Variants in LIN7A observed in about 807,000 individuals in gnomAD.
The protein encoded by LIN7A is lin-7 cell polarity scaffold A.
LIN7A carries 25 observed loss-of-function variants against 29.8 expected under a neutral mutation model. The observed-to-expected ratio is 0.84, with a 90% CI of 0.61 to 1.17. LIN7A has a LOEUF of 1.17. Among genes scored for constraint, LIN7A ranks in the 50% most tolerant of loss-of-function variants. The pLI, the probability that LIN7A is intolerant of heterozygous loss-of-function variation, is 0.00. For synonymous variants in LIN7A, 118 were observed against 107.5 expected (o/e 1.10, Z -0.60); for missense variants, 239 against 287.0 (o/e 0.83, Z 1.21).
chr12:80,832,567 T>C, intron 4 of LIN7A: 1 of 476,790 alleles, frequency 2.1e-6, no homozygotes, highest in Non-Finnish European at 4.3e-6. Context: ...GAGCCTGGAC[T>C]TACCATTTGA....
chr12:80,846,996 T>C (rs1194941980), intron 3 of LIN7A, among the ~76,000 whole-genome samples: 1 of 152,236 alleles, frequency 6.6e-6, no homozygotes, highest in Non-Finnish European at 1.5e-5. Flanking sequence ...ACACACAGCA[T>C]TATCACATCA....
chr12:80,886,586 G>A (rs1010924953), intron 2 of LIN7A, among the ~76,000 whole-genome samples: 1 of 151,964 alleles, frequency 6.6e-6, no homozygotes, highest in Admixed American at 6.6e-5. Flanking sequence ...CCTGTATAAC[G>A]TGCATTGCCT....
At chr12:80,848,418 A>C in intron 2 of LIN7A, 96 bp from the exon 3 acceptor site, 2 of 908,868 alleles carry the variant, frequency 2.2e-6, no homozygotes, top group Non-Finnish European at 3.5e-6. Flanking sequence ...TGTAGGAAAA[A>C]AATTCTCTAT....
chr12:80,811,400 T>C (rs1399692600), intron 5 of LIN7A, 65 bp downstream of exon 5: 2 of 626,860 alleles, frequency 3.2e-6, no homozygotes, highest in East Asian at 5.6e-5. Context: ...TATATTCATA[T>C]ATACATATAT....
intron 1 of LIN7A, among the ~76,000 whole-genome samples, chr12:80,933,038 C>A (rs569293098): frequency 6.6e-6 from 1 of 152,284 alleles, no homozygotes; most frequent in African/African-American, 2.4e-5. Context: ...ATGACATGTA[C>A]TACTTTCTAT....
intron 4 of LIN7A, among the ~76,000 whole-genome samples, chr12:80,822,344 G>A (rs1340782339): frequency 6.6e-6 from 1 of 152,130 alleles, no homozygotes; most frequent in African/African-American, 2.4e-5. Flanking sequence ...GATCACCTGA[G>A]GTCAGGAGTT....
intron 4 of LIN7A, 121 bp downstream of exon 4, chr12:80,845,609 A>T: frequency 1.4e-6 from 1 of 724,636 alleles, no homozygotes; most frequent in South Asian, 2.0e-5. Flanking sequence ...ATGCTTAGAA[A>T]GCTGGTTAGA....
At chr12:80,799,962 C>A (rs963097035) in intron 5 of LIN7A, among the ~76,000 whole-genome samples, 23 of 151,918 alleles carry the variant, frequency 1.5e-4, no homozygotes, top group African/African-American at 4.4e-4. Context: ...GCCTAGGCAA[C>A]ATAGCAAGAC....
intron 2 of LIN7A, among the ~76,000 whole-genome samples, chr12:80,849,612 AG>A (rs927404617): frequency 4.7e-4 from 72 of 152,138 alleles, no homozygotes; most frequent in Admixed American, 3.3e-4. Context: ...AAAGGTGATA[AG>A]GGCAAATACC....
chr12:80,802,580 C>T (rs1312154787), intron 5 of LIN7A, among the ~76,000 whole-genome samples: 1 of 152,156 alleles, frequency 6.6e-6, no homozygotes, highest in Non-Finnish European at 1.5e-5. Context: ...ATTTACATTC[C>T]CACCACTGGT....
At chr12:80,812,134 C>T (rs1384958097) in intron 4 of LIN7A, among the ~76,000 whole-genome samples, 1 of 152,052 alleles carries the variant, frequency 6.6e-6, no homozygotes, top group Admixed American at 6.5e-5. Context: ...TAGAACATAG[C>T]ACAGAGTCCA....
intron 1 of LIN7A, among the ~76,000 whole-genome samples, chr12:80,917,021 T>C (rs1305773572): frequency 1.3e-5 from 2 of 152,090 alleles, no homozygotes; most frequent in Admixed American, 6.6e-5. Context: ...TAAAAACAAA[T>C]TAAGCTGGGA....
chr12:80,917,430 CT>C (rs1877082441), intron 1 of LIN7A, among the ~76,000 whole-genome samples: 1 of 152,058 alleles, frequency 6.6e-6, no homozygotes, highest in African/African-American at 2.4e-5. Context: ...CAATAGCTTC[CT>C]TTTAAGTTCA....
intron 5 of LIN7A, among the ~76,000 whole-genome samples, chr12:80,810,337 G>A (rs905071931): frequency 6.6e-6 from 1 of 151,502 alleles, no homozygotes; most frequent in Non-Finnish European, 1.5e-5. Flanking sequence ...GCCCATCCAC[G>A]CTGACAAAAA....
At chr12:80,808,532 G>A (rs1424487611) in intron 5 of LIN7A, among the ~76,000 whole-genome samples, 5 of 143,612 alleles carry the variant, frequency 3.5e-5, no homozygotes, top group Non-Finnish European at 6.0e-5. Context: ...TTGAGATAGA[G>A]TCTCGCTCTG....
chr12:80,849,645 A>G (rs1319620361), intron 2 of LIN7A, among the ~76,000 whole-genome samples: 1 of 152,084 alleles, frequency 6.6e-6, no homozygotes, highest in African/African-American at 2.4e-5. Flanking sequence ...AGCCACAGAT[A>G]ATAATGCAGA....
chr12:80,897,289 C>G (rs370185357), intron 1 of LIN7A, among the ~76,000 whole-genome samples: 1 of 151,900 alleles, frequency 6.6e-6, no homozygotes, highest in Non-Finnish European at 1.5e-5. Flanking sequence ...TGTATTTAAT[C>G]TTGTACATAT....
intron 1 of LIN7A, among the ~76,000 whole-genome samples, chr12:80,908,627 G>A (rs962343503): frequency 6.6e-6 from 1 of 151,966 alleles, no homozygotes; most frequent in African/African-American, 2.4e-5. Flanking sequence ...TAATGATAGA[G>A]AATAAAGTTT....
chr12:80,859,405 A>G (rs1190265549), intron 2 of LIN7A, among the ~76,000 whole-genome samples: 1 of 152,212 alleles, frequency 6.6e-6, no homozygotes, highest in Non-Finnish European at 1.5e-5. Flanking sequence ...GGAGATGTTC[A>G]GTAGACAGCT....
Sources: gnomAD v4.1 joint callset for allele counts (sites outside exome capture counted in the v4.1 genomes callset) on GRCh38, gnomAD v4.1.1 for gene constraint, MANE v1.5 for transcripts, NCBI Gene and HGNC (gene_info 2026-07-23, HGNC 2026-07-21) for gene names.